INAVA: variants seen among roughly 807,000 people sequenced by gnomAD.
INAVA encodes innate immunity activator, also known as innate immunity activator protein.
A neutral mutation model predicts 55.3 loss-of-function variants in INAVA; 32 were observed. The observed-to-expected ratio is 0.58, with a 90% confidence interval of 0.44 to 0.78. The LOEUF (loss-of-function observed/expected upper bound fraction) is 0.78, where lower values mean the gene tolerates loss of function less well. Ranked by LOEUF, INAVA falls within the 30% of genes least tolerant of loss-of-function variation. The pLI, the probability that INAVA is intolerant of heterozygous loss-of-function variation, is 0.00. For synonymous variants in INAVA, 294 were observed against 329.4 expected (o/e 0.89, Z 1.16); for missense variants, 756 against 786.4 (o/e 0.96, Z 0.46).
At position 200,899,489 on chromosome 1, in the gene INAVA, C is replaced by A. The variant is rs376986809; in HGVS notation, c.72C>A (p.Val24=). The A allele has an allele frequency of 1.2e-6, 2 of 1,614,136 alleles. No homozygotes were observed. Among genetic ancestry groups the A allele is most frequent in the Non-Finnish European group, 1.7e-6 (2 of 1,180,022 alleles). ...IILQSGPDSP[V]SPMKELTHAV... ...CCCTTGCAGGCCCCGACAGCCCGGT[C>A]TCCCCAATGAAGGAGCTGACCCATG... is the stretch of plus-strand genomic sequence containing the variant. Residue 24 remains valine, a synonymous_variant, in exon 3 of 10, where the codon GTC becomes GTA. Transcript: ENST00000413687.
chr1:200,899,439 G>A (rs1653131151), intron 2 of INAVA, 34 bp from the exon 3 acceptor site: 4 of 1,612,116 alleles, frequency 2.5e-6, no homozygotes, highest in Non-Finnish European at 3.4e-6. Context: ...TCCATCTTCA[G>A]CCTCCCTGAG....
At chr1:200,895,413 C>T (rs1453619421) in intron 1 of INAVA, among the ~76,000 whole-genome samples, 1 of 152,046 alleles carries the variant, frequency 6.6e-6, no homozygotes, top group Non-Finnish European at 1.5e-5. Context: ...GAGTTTCCCT[C>T]CCTCCCTCTG....
chr1:200,903,390 A>T (rs2102307854), intron 5 of INAVA, among the ~76,000 whole-genome samples: 1 of 152,224 alleles, frequency 6.6e-6, no homozygotes, highest in Admixed American at 6.5e-5. Context: ...AGGCTGAGCC[A>T]GGAGAATCCC....
At position 200,912,085 on chromosome 1, in the gene INAVA, G is replaced by T; in HGVS notation, c.1592G>T (p.Ser531Ile). 1 of 1,549,170 alleles carries T rather than the reference G, an allele frequency of 6.5e-7. No homozygotes were observed. The highest frequency in any genetic ancestry group is 8.7e-7 in the Non-Finnish European group (1 of 1,146,684). The change falls in exon 9 of 10, where the codon AGC becomes ATC. Residue 531 changes from serine (S) to isoleucine (I), a missense_variant. Physicochemically the swap from Ser to Ile is moderately radical, Grantham distance 142. This residue lies in a region of INAVA where 117 missense variants were observed against 162.1 expected (regional missense o/e 0.72). Coordinates refer to ENST00000413687, the MANE Select transcript of INAVA (RefSeq NM_001142569.3). Reference sequence around the variant, plus strand: ...CGCCAAGGAGCTTTCCGGGTCAGGAGCCTGCCCCTTGGGAGAGAGGGCTTC... The same window carrying T: ...CGCCAAGGAGCTTTCCGGGTCAGGATCCTGCCCCTTGGGAGAGAGGGCTTC... ...LDRQGAFRVRSLPLGREGFGR... is the reference protein window; with the variant it reads ...LDRQGAFRVRILPLGREGFGR...
At chr1:200,898,547 T>C in intron 2 of INAVA, 92 bp downstream of exon 2, 1 of 1,407,504 alleles carries the variant, frequency 7.1e-7, no homozygotes, top group South Asian at 1.3e-5. Flanking sequence ...CCTCAGGCAC[T>C]AGGGCTGGCT....
intron 9 of INAVA, 127 bp from the exon 10 acceptor site, chr1:200,913,410 C>A: frequency 1.4e-6 from 1 of 692,426 alleles, no homozygotes; most frequent in Non-Finnish European, 2.6e-6. Flanking sequence ...AGTGCCAGGG[C>A]CTGCTGCTGC....
At chr1:200,905,777 G>A (rs1653461130) in intron 5 of INAVA, among the ~76,000 whole-genome samples, 1 of 152,212 alleles carries the variant, frequency 6.6e-6, no homozygotes, top group African/African-American at 2.4e-5. Flanking sequence ...TGACCCCTGG[G>A]CCATAGTTTG....
At chr1:200,912,354 A>G (rs948797953) in intron 9 of INAVA, among the ~76,000 whole-genome samples, 1 of 114,790 alleles carries the variant, frequency 8.7e-6, no homozygotes, top group Non-Finnish European at 2.2e-5. Flanking sequence ...TTTGCCTGCC[A>G]TGTCTAGCTC....
At position 200,907,812 on chromosome 1, in the gene INAVA, C is replaced by T. The variant is rs1465876533; in HGVS notation, c.521-22C>T. The T allele has an allele frequency of 3.7e-6, 6 of 1,603,700 alleles. No homozygotes were observed. The South Asian group carries it at 6.6e-5, about 18-fold the overall frequency. On this transcript the variant is annotated intron_variant, in intron 5 of 9. Coordinates refer to ENST00000413687, the MANE Select transcript of INAVA (RefSeq NM_001142569.3). ...GTTCATTTCTTCACTTCCTTCTCTT[C>T]TCTCCCCTTTGTCTTTCGCAGAGCT...
chr1:200,899,705 T>A, intron 3 of INAVA, 108 bp downstream of exon 3: 1 of 1,475,416 alleles, frequency 6.8e-7, no homozygotes. Context: ...TTGAGGGAAT[T>A]CTGGACATCA....
rs771785853 is a variant in INAVA, at chr1:200,911,463, T to C, written c.970T>C (p.Phe324Leu). Reference sequence around the variant, plus strand: ...TCTTTCCCTCTTCAGGGTGGATTCCTTCCGGGCGGGTCCTGAGGGCCGAGG... The same window carrying C: ...TCTTTCCCTCTTCAGGGTGGATTCCCTCCGGGCGGGTCCTGAGGGCCGAGG... Reference protein sequence around the residue: ...GQSQSLRVDSFRAGPEGRGRS... With the variant: ...GQSQSLRVDSLRAGPEGRGRS... The change falls in exon 9 of 10, where the codon TTC (phenylalanine) becomes CTC (leucine). Residue 324 changes from phenylalanine (F) to leucine (L), a missense_variant. Coordinates refer to ENST00000413687, the MANE Select transcript of INAVA (RefSeq NM_001142569.3). 3 of 1,612,132 alleles carry C rather than the reference T, an allele frequency of 1.9e-6. No homozygotes were observed. Among genetic ancestry groups the C allele is most frequent in the Admixed American group, 1.7e-5 (1 of 59,914 alleles).
chr1:200,906,831 CT>C (rs1183828310), intron 5 of INAVA, among the ~76,000 whole-genome samples: 1 of 151,812 alleles, frequency 6.6e-6, no homozygotes, highest in Non-Finnish European at 1.5e-5. Context: ...GTGAAATTCC[CT>C]TTTTTTTATT....
chr1:200,896,069 C>A (rs1185506725), intron 1 of INAVA, among the ~76,000 whole-genome samples: 1 of 152,124 alleles, frequency 6.6e-6, no homozygotes, highest in African/African-American at 2.4e-5. Flanking sequence ...CTGGCGGAGA[C>A]GGGAGGCGTG....
intron 4 of INAVA, 26 bp from the exon 5 acceptor site, chr1:200,900,910 TA>T (rs1558229347): frequency 6.6e-7 from 1 of 1,512,534 alleles, no homozygotes; most frequent in Admixed American, 2.1e-5. Context: ...TGCCTCTCTC[TA>T]GCCTCACTCC....
chr1:200,908,995 C>T, intron 7 of INAVA, 55 bp downstream of exon 7: 1 of 1,548,118 alleles, frequency 6.5e-7, no homozygotes, highest in Non-Finnish European at 8.8e-7. Context: ...TCGGTGGGAG[C>T]TATGCTGGGG....
At chr1:200,899,269 G>A (rs1000336809) in intron 2 of INAVA, among the ~76,000 whole-genome samples, 3 of 152,166 alleles carry the variant, frequency 2.0e-5, no homozygotes, top group East Asian at 1.9e-4. Context: ...CTTCTGAGTT[G>A]TAACATTTGT....
Position 200,900,162 on chromosome 1 carries a change from A to C in INAVA, c.239A>C (p.Lys80Thr), listed in dbSNP as rs757262383. The part of the protein sequence containing the change: ...YPLKPGEKAP[K>T]VRRRIGAAYK... The stretch of plus-strand genomic sequence containing the variant: ...CTCAAACCAGGGGAAAAGGCCCCCA[A>C]GGTTCGCCGCAGGATCGGAGCGGCT... The change falls in exon 4 of 10, where the codon AAG becomes ACG. Residue 80 changes from lysine (K) to threonine (T), a missense_variant. Physicochemically the swap from Lys to Thr is moderately conservative, Grantham distance 78. Transcript: ENST00000413687. 2 of 1,614,156 alleles carry C rather than the reference A, an allele frequency of 1.2e-6. No homozygotes were observed. The highest frequency in any genetic ancestry group is 1.7e-6 in the Non-Finnish European group (2 of 1,179,984).
In INAVA at chr1:200,911,881, A is replaced by C; in HGVS notation, c.1388A>C (p.Glu463Ala). The C allele has an allele frequency of 6.3e-7, 1 of 1,587,926 alleles. No homozygotes were observed. The highest frequency in any genetic ancestry group is 8.5e-7 in the Non-Finnish European group (1 of 1,174,162). ...GCAGCCCCGGGCCCTGCTTACGAGGAGGAGGGCACTCCCCTGCGCTACCAG... is the reference window on the plus strand; with the variant it reads ...GCAGCCCCGGGCCCTGCTTACGAGGCGGAGGGCACTCCCCTGCGCTACCAG... Reference protein sequence around the residue: ...RRAAPGPAYEEEGTPLRYQRL... With the variant: ...RRAAPGPAYEAEGTPLRYQRL... Residue 463 changes from glutamate to alanine, a missense_variant, in exon 9 of 10, where the codon GAG becomes GCG. Transcript: ENST00000413687.
At chr1:200,901,231 G>A (rs956856211) in intron 5 of INAVA, 72 bp downstream of exon 5, 43 of 1,362,136 alleles carry the variant, frequency 3.2e-5, no homozygotes, top group Admixed American at 2.2e-4. Context: ...GCACAGCCCC[G>A]TGCCACTGCC....
Sources: gnomAD v4.1 joint callset for allele counts (sites outside exome capture counted in the v4.1 genomes callset) on GRCh38, gnomAD v4.1.1 for gene constraint, gnomAD v4.1.1 regional missense constraint, MANE v1.5 for transcripts, NCBI Gene and HGNC (gene_info 2026-07-23, HGNC 2026-07-21) for gene names.